CDH8: variants seen among roughly 807,000 people sequenced by gnomAD.
CDH8 encodes cadherin-8.
A neutral mutation model predicts 68.1 loss-of-function variants in CDH8; 17 were observed. The observed-to-expected ratio is 0.25, with a 90% confidence interval of 0.17 to 0.37. The LOEUF is 0.37. CDH8 is among the 10% of genes least tolerant of loss of function. CDH8 has a pLI of 1.00. For missense variants in CDH8, 763 were observed against 999.3 expected, an observed-to-expected ratio of 0.76 and a Z score of 3.19; for synonymous variants, 372 against 365.1, an observed-to-expected ratio of 1.02 and a Z score of -0.21.
chr16:61,769,928 A>G (rs187159623), intron 8 of CDH8, among the ~76,000 whole-genome samples: 60 of 151,986 alleles, frequency 3.9e-4, no homozygotes, highest in African/African-American at 1.2e-3. Context: ...GGACCTGGCG[A>G]ATAATGGTGC....
Position 61,918,966 on chromosome 16 carries a change from T to G in CDH8, c.253-17493A>C, listed in dbSNP as rs917725322. Among the ~76,000 whole-genome samples the G allele has an allele frequency of 4.7e-5, 7 of 147,772 alleles. 1 individual carries two copies. The highest frequency in any genetic ancestry group is 1.8e-4 in the African/African-American group (7 of 39,982). ...GGTTCTCCCAGCACGCAGCTGGAGATCTGAGAACCGGCAGACTGCCTCTTC... is the reference window on the plus strand; with the variant it reads ...GGTTCTCCCAGCACGCAGCTGGAGAGCTGAGAACCGGCAGACTGCCTCTTC... On this transcript the variant is annotated intron_variant, in intron 2 of 11. Transcript: ENST00000577390.
At chr16:61,985,238 A>G (rs954652379) in intron 2 of CDH8, among the ~76,000 whole-genome samples, 1 of 152,200 alleles carries the variant, frequency 6.6e-6, no homozygotes, top group African/African-American at 2.4e-5. Flanking sequence ...GCCCTCTAAG[A>G]AAGCCATGAG....
At chr16:61,848,261 G>A (rs776650138) in intron 4 of CDH8, among the ~76,000 whole-genome samples, 2 of 151,982 alleles carry the variant, frequency 1.3e-5, no homozygotes, top group African/African-American at 2.4e-5. Flanking sequence ...CCATCCCAAC[G>A]CATCCCAGTG....
chr16:61,943,053 C>T (rs1346276132), intron 2 of CDH8, among the ~76,000 whole-genome samples: 1 of 152,110 alleles, frequency 6.6e-6, no homozygotes, highest in African/African-American at 2.4e-5. Context: ...AAGAGTGAGA[C>T]CTTGTTTCAA....
At chr16:61,944,542 G>A (rs1964771662) in intron 2 of CDH8, among the ~76,000 whole-genome samples, 1 of 152,088 alleles carries the variant, frequency 6.6e-6, no homozygotes, top group Non-Finnish European at 1.5e-5. Flanking sequence ...TTAAAATCAG[G>A]AATAATTTTG....
chr16:61,861,855 C>A (rs545779928), intron 3 of CDH8, among the ~76,000 whole-genome samples: 3 of 152,216 alleles, frequency 2.0e-5, no homozygotes, highest in Admixed American at 2.0e-4. Flanking sequence ...GCAAAGAGCA[C>A]AGAAGAGTTA....
At chr16:62,032,258 T>C (rs2150623580) in intron 1 of CDH8, among the ~76,000 whole-genome samples, 1 of 152,258 alleles carries the variant, frequency 6.6e-6, no homozygotes. Flanking sequence ...GGGAACATGA[T>C]AAAAATCTCA....
intron 2 of CDH8, among the ~76,000 whole-genome samples, chr16:61,985,518 G>C (rs1476251901): frequency 6.6e-6 from 1 of 152,168 alleles, no homozygotes; most frequent in Non-Finnish European, 1.5e-5. Context: ...TTGAGACGGA[G>C]TTTCACTCTT....
intron 7 of CDH8, among the ~76,000 whole-genome samples, chr16:61,814,178 GA>G (rs1379730559): frequency 1.3e-5 from 2 of 152,146 alleles, no homozygotes; most frequent in Admixed American, 6.5e-5. Context: ...CTGAATCTCA[GA>G]GAATTCCAGA....
chr16:61,839,828 G>A (rs183996189), intron 4 of CDH8, among the ~76,000 whole-genome samples: 2 of 152,118 alleles, frequency 1.3e-5, no homozygotes, highest in Non-Finnish European at 2.9e-5. Context: ...TTCAAATGAT[G>A]AGGCAAGTGT....
chr16:62,025,191 A>G (rs1313370540), intron 1 of CDH8, among the ~76,000 whole-genome samples: 1 of 152,200 alleles, frequency 6.6e-6, no homozygotes, highest in East Asian at 1.9e-4. Context: ...GATACAAACA[A>G]GACCACCAAT....
chr16:61,760,523 G>A (rs763668275), intron 8 of CDH8, among the ~76,000 whole-genome samples: 9 of 151,970 alleles, frequency 5.9e-5, no homozygotes, highest in Admixed American at 2.0e-4. Context: ...ATGTTGACCA[G>A]GCTGGTCTCG....
chr16:61,950,363 G>A lies in CDH8; in HGVS notation c.253-48890C>T, dbSNP rs146378788. Among the ~76,000 whole-genome samples, 1,282 of 152,246 alleles carry A rather than the reference G, an allele frequency of 8.4e-3. 16 individuals carry two copies. Among genetic ancestry groups the A allele is most frequent in the African/African-American group, 0.029 (1,204 of 41,544 alleles). ...CAACTTCAGGGAAATATTGCTGGTA[G>A]GTACTAGATTTTACTCTATTTACCG... On this transcript the variant is annotated intron_variant, in intron 2 of 11. Coordinates refer to ENST00000577390, the MANE Select transcript of CDH8 (RefSeq NM_001796.5).
At chr16:61,793,517 T>A (rs1381118371) in intron 7 of CDH8, among the ~76,000 whole-genome samples, 1 of 152,036 alleles carries the variant, frequency 6.6e-6, no homozygotes, top group Non-Finnish European at 1.5e-5. Flanking sequence ...GGATTTATGT[T>A]CCTGAATTAG....
intron 2 of CDH8, among the ~76,000 whole-genome samples, chr16:61,911,059 G>A (rs927272491): frequency 6.6e-6 from 1 of 152,092 alleles, no homozygotes; most frequent in African/African-American, 2.4e-5. Flanking sequence ...TGTGCACTGG[G>A]TCAGTGAATA....
chr16:61,669,089 A>T (rs1207419500), intron 10 of CDH8, among the ~76,000 whole-genome samples: 1 of 152,058 alleles, frequency 6.6e-6, no homozygotes, highest in Non-Finnish European at 1.5e-5. Context: ...TTTGTAGGTC[A>T]AATATCCCTG....
rs559975505 is a variant in CDH8 at position 61,967,798 on chromosome 16, A to ATTAT, written c.252+53350_252+53353dup. Among the ~76,000 whole-genome samples, 34 of 151,938 alleles carry ATTAT rather than the reference A, an allele frequency of 2.2e-4. No homozygotes were observed. In the East Asian group the frequency reaches 3.9e-3, roughly 17 times the overall value. On this transcript the variant is annotated intron_variant, in intron 2 of 11. Transcript: ENST00000577390. ...ATACGACAGTTGAATTTAAATTGAG[A>ATTAT]TTATTTATTTATTTATTTATTTCGT...
intron 10 of CDH8, among the ~76,000 whole-genome samples, chr16:61,711,384 T>G (rs908461382): frequency 6.6e-6 from 1 of 151,882 alleles, no homozygotes; most frequent in Non-Finnish European, 1.5e-5. Context: ...ATAGATTTGA[T>G]TATATTAGCT....
At chr16:62,009,909 C>A (rs1901765497) in intron 2 of CDH8, among the ~76,000 whole-genome samples, 1 of 152,082 alleles carries the variant, frequency 6.6e-6, no homozygotes, top group Non-Finnish European at 1.5e-5. Context: ...TTTTCTTATT[C>A]ATCAGCATGA....
Sources: allele counts gnomAD v4.1 joint callset (sites outside exome capture counted in the v4.1 genomes callset), GRCh38; gene constraint gnomAD v4.1.1; transcripts MANE v1.5; gene names NCBI Gene and HGNC (gene_info 2026-07-23, HGNC 2026-07-21).